Variants in MARCHF4 observed in about 807,000 individuals in gnomAD.
MARCHF4 encodes membrane associated ring-CH-type finger 4.
Under a neutral mutation model 43.9 loss-of-function variants are expected in MARCHF4, and 14 were observed. The observed-to-expected ratio is 0.32, with a 90% CI of 0.21 to 0.50. The LOEUF (loss-of-function observed/expected upper bound fraction) is 0.50, where lower values mean the gene tolerates loss of function less well. MARCHF4 is among the 20% of genes least tolerant of loss of function. The pLI is 0.98. For missense variants in MARCHF4, 468 were observed against 536.7 expected, an observed-to-expected ratio of 0.87 and a Z score of 1.27; for synonymous variants, 226 against 213.3, an observed-to-expected ratio of 1.06 and a Z score of -0.52.
intron 1 of MARCHF4, among the ~76,000 whole-genome samples, chr2:216,308,929 A>T (rs1453695090): frequency 6.6e-6 from 1 of 152,092 alleles, no homozygotes; most frequent in Non-Finnish European, 1.5e-5. Flanking sequence ...ATTCAAACCT[A>T]TTCATGGTTT....
intron 1 of MARCHF4, among the ~76,000 whole-genome samples, chr2:216,354,396 G>A (rs1288122759): frequency 6.6e-6 from 1 of 152,152 alleles, no homozygotes. Flanking sequence ...TAAAAGGCAA[G>A]TCCACGTGGG....
At chr2:216,305,823 T>G (rs1012665073) in intron 1 of MARCHF4, among the ~76,000 whole-genome samples, 1 of 152,198 alleles carries the variant, frequency 6.6e-6, no homozygotes, top group African/African-American at 2.4e-5. Context: ...ACCGTCTCCC[T>G]GTACTCAGCC....
chr2:216,290,063 C>T (rs1203594167), intron 1 of MARCHF4, among the ~76,000 whole-genome samples: 1 of 152,108 alleles, frequency 6.6e-6, no homozygotes, highest in East Asian at 1.9e-4. Flanking sequence ...GTGAATGGAA[C>T]TGACTAAAAT....
At chr2:216,261,880 T>C (rs1250909466) in intron 3 of MARCHF4, among the ~76,000 whole-genome samples, 2 of 152,044 alleles carry the variant, frequency 1.3e-5, no homozygotes, top group African/African-American at 2.4e-5. Context: ...AAGCAACCAA[T>C]GGGGTAGAAG....
At chr2:216,259,801 G>T in intron 3 of MARCHF4, 122 bp from the exon 4 acceptor site, 1 of 977,678 alleles carries the variant, frequency 1.0e-6, no homozygotes, top group Non-Finnish European at 1.5e-6. Context: ...TGAGCCATGG[G>T]AGGACCATCC....
At chr2:216,312,443 A>G (rs1446960069) in intron 1 of MARCHF4, among the ~76,000 whole-genome samples, 7 of 149,502 alleles carry the variant, frequency 4.7e-5, no homozygotes, top group Non-Finnish European at 1.0e-4. Context: ...CTTTTTTAAC[A>G]TAATGATTTC....
At chr2:216,301,142 C>T (rs1050399576) in intron 1 of MARCHF4, among the ~76,000 whole-genome samples, 1 of 152,164 alleles carries the variant, frequency 6.6e-6, no homozygotes, top group African/African-American at 2.4e-5. Flanking sequence ...GCTGTGAAAG[C>T]ATCATGGTAG....
intron 1 of MARCHF4, among the ~76,000 whole-genome samples, chr2:216,354,253 C>A (rs1692447021): frequency 6.6e-6 from 1 of 152,184 alleles, no homozygotes; most frequent in African/African-American, 2.4e-5. Context: ...CAGGATTAGG[C>A]TGAGTAGGAA....
intron 1 of MARCHF4, among the ~76,000 whole-genome samples, chr2:216,364,866 C>T (rs1320892955): frequency 6.6e-6 from 1 of 152,214 alleles, no homozygotes; most frequent in African/African-American, 2.4e-5. Flanking sequence ...TCAAACCTGT[C>T]TTCCAGGTTG....
At chr2:216,369,618 A>T (rs901315650) in intron 1 of MARCHF4, 127 bp downstream of exon 1, 6 of 695,710 alleles carry the variant, frequency 8.6e-6, no homozygotes, top group Non-Finnish European at 1.4e-5. Flanking sequence ...AACATCAATG[A>T]GGGCTCTTAA....
At chr2:216,315,129 T>C (rs1199347322) in intron 1 of MARCHF4, among the ~76,000 whole-genome samples, 1 of 151,956 alleles carries the variant, frequency 6.6e-6, no homozygotes, top group African/African-American at 2.4e-5. Flanking sequence ...GGGAAAAAGG[T>C]CAAGCAAATT....
intron 1 of MARCHF4, among the ~76,000 whole-genome samples, chr2:216,314,570 G>A (rs1270009061): frequency 1.3e-5 from 2 of 152,100 alleles, no homozygotes; most frequent in Admixed American, 1.3e-4. Flanking sequence ...TGATCCACCT[G>A]CCTCAGCCTC....
intron 1 of MARCHF4, among the ~76,000 whole-genome samples, chr2:216,309,830 T>C (rs1250367791): frequency 6.6e-6 from 1 of 151,758 alleles, no homozygotes; most frequent in East Asian, 1.9e-4. Context: ...TTCCTTTTTT[T>C]AATTATTATT....
At chr2:216,333,798 C>A (rs1032809744) in intron 1 of MARCHF4, among the ~76,000 whole-genome samples, 3 of 152,128 alleles carry the variant, frequency 2.0e-5, no homozygotes, top group African/African-American at 7.2e-5. Flanking sequence ...GGAAAGAGAC[C>A]CGTCCCTAGG....
chr2:216,350,420 C>T (rs1182503880), intron 1 of MARCHF4, among the ~76,000 whole-genome samples: 5 of 151,500 alleles, frequency 3.3e-5, no homozygotes, highest in African/African-American at 1.2e-4. Context: ...ATGCCACACC[C>T]CCTCACTATG....
rs1692662120 is a variant in MARCHF4, at chr2:216,366,067, C to G, written c.516+3678G>C. 2.6e-5 allele frequency among the ~76,000 whole-genome samples: 4 copies of G among 152,330 alleles called. No individual in the cohort carries two copies. The Middle Eastern group carries it at 0.014, about 518-fold the overall frequency. ...GGCACACCTTTTCTTTTAAACAAGG[C>G]AGGAACAGCACTCTCTTGCATCTGA... On this transcript the variant is annotated intron_variant, in intron 1 of 3. Transcript: ENST00000273067.
At chr2:216,357,707 T>C (rs903599424) in intron 1 of MARCHF4, among the ~76,000 whole-genome samples, 1 of 152,232 alleles carries the variant, frequency 6.6e-6, no homozygotes, top group African/African-American at 2.4e-5. Flanking sequence ...CTATTTTTAA[T>C]ATTCAAAAAG....
rs1056905714 is a variant in MARCHF4, at chr2:216,266,464, T to G, written c.866-6785A>C. Among the ~76,000 whole-genome samples the G allele has an allele frequency of 2.0e-5, 3 of 152,208 alleles. No homozygotes were observed. The East Asian group carries it at 5.8e-4, about 29-fold the overall frequency. On this transcript the variant is annotated intron_variant, in intron 3 of 3. Transcript: ENST00000273067. ...CCTTGTCCCCAACACAAGTACCTGC[T>G]CTTTCATCTCCTGACTCCCCAGCCC... is the stretch of plus-strand genomic sequence containing the variant.
chr2:216,289,696 C>A lies in MARCHF4; in HGVS notation c.517-5967G>T, dbSNP rs1343202172. Among the ~76,000 whole-genome samples the A allele has an allele frequency of 1.3e-5, 2 of 152,154 alleles. 1 individual carries two copies. The highest frequency in any genetic ancestry group is 1.3e-4 in the Admixed American group (2 of 15,266). On this transcript the variant is annotated intron_variant, in intron 1 of 3. Coordinates refer to ENST00000273067, the MANE Select transcript of MARCHF4 (RefSeq NM_020814.3). ...GTAAACCAAAGACTTCCTTTTCTGC[C>A]CACACAGGTGTCAGGCATCCCTGCC...
Sources: gnomAD v4.1 joint callset for allele counts (sites outside exome capture counted in the v4.1 genomes callset) on GRCh38, gnomAD v4.1.1 for gene constraint, MANE v1.5 for transcripts, NCBI Gene and HGNC (gene_info 2026-07-23, HGNC 2026-07-21) for gene names.